The following MAML3 variants were observed in gnomAD, a reference collection of about 807,000 sequenced individuals.
The protein encoded by MAML3 is mastermind like transcriptional coactivator 3, also known as mastermind-like protein 3.
A neutral mutation model predicts 101.9 loss-of-function variants in MAML3; 27 were observed. The observed-to-expected ratio is 0.27, with a 90% CI of 0.20 to 0.37. The LOEUF is 0.37. Ranked by LOEUF, MAML3 falls within the 10% of genes least tolerant of loss-of-function variation. The pLI, the probability that MAML3 is intolerant of heterozygous loss-of-function variation, is 1.00. For missense variants in MAML3, 1,316 were observed against 1,444.9 expected (o/e 0.91, Z 1.45); for synonymous variants, 501 against 555.9 (o/e 0.90, Z 1.39).
At chr4:139,985,524 C>G (rs1734520849) in intron 1 of MAML3, among the ~76,000 whole-genome samples, 1 of 152,192 alleles carries the variant, frequency 6.6e-6, no homozygotes, top group South Asian at 2.1e-4. Context: ...TTTCCTTGAG[C>G]TAAAATAGAT....
chr4:139,882,660 C>A (rs1264992788), intron 2 of MAML3, among the ~76,000 whole-genome samples: 1 of 152,074 alleles, frequency 6.6e-6, no homozygotes, highest in African/African-American at 2.4e-5. Flanking sequence ...ACCATCCTGG[C>A]CAATATGGTG....
intron 2 of MAML3, among the ~76,000 whole-genome samples, chr4:139,739,671 G>A (rs57706147): frequency 0.41 from 58,317 of 141,858 alleles, 12,966 homozygotes; most frequent in Middle Eastern, 0.58. Flanking sequence ...AGGCAGGGGA[G>A]GAAAGCAGTT....
intron 1 of MAML3, 57 bp downstream of exon 1, chr4:140,152,803 C>A: frequency 6.5e-7 from 1 of 1,548,584 alleles, no homozygotes; most frequent in Non-Finnish European, 8.7e-7. Flanking sequence ...CACGCGCCCC[C>A]CACCACCACC....
intron 4 of MAML3, among the ~76,000 whole-genome samples, chr4:139,721,289 G>A (rs1256123955): frequency 6.6e-6 from 1 of 152,142 alleles, no homozygotes; most frequent in Non-Finnish European, 1.5e-5. Context: ...AAACAGCCAA[G>A]GGAATGGAAA....
At chr4:139,975,692 G>T (rs1165630117) in intron 1 of MAML3, among the ~76,000 whole-genome samples, 1 of 152,126 alleles carries the variant, frequency 6.6e-6, no homozygotes, top group Non-Finnish European at 1.5e-5. Flanking sequence ...GGAACTATTT[G>T]TCCAGTGAAT....
chr4:140,122,060 C>G (rs1478035607), intron 1 of MAML3, among the ~76,000 whole-genome samples: 2 of 152,088 alleles, frequency 1.3e-5, no homozygotes, highest in African/African-American at 4.8e-5. Context: ...CCTGAGGCCT[C>G]CCCAGCCATT....
chr4:140,037,868 A>T (rs1727011529), intron 1 of MAML3, among the ~76,000 whole-genome samples: 1 of 152,146 alleles, frequency 6.6e-6, no homozygotes, highest in Non-Finnish European at 1.5e-5. Context: ...CTCGAGCTAC[A>T]CTGCTCTGCT....
intron 1 of MAML3, among the ~76,000 whole-genome samples, chr4:140,025,080 A>T (rs1467023928): frequency 1.3e-5 from 2 of 152,210 alleles, no homozygotes; most frequent in African/African-American, 4.8e-5. Context: ...GAGACAGATT[A>T]AAAAGACTCA....
intron 2 of MAML3, among the ~76,000 whole-genome samples, chr4:139,782,381 G>A (rs1015450953): frequency 3.3e-5 from 5 of 152,072 alleles, no homozygotes; most frequent in Non-Finnish European, 7.4e-5. Flanking sequence ...TGCCCGGGCT[G>A]GTCTTAAACT....
intron 1 of MAML3, among the ~76,000 whole-genome samples, chr4:140,123,601 A>G (rs1162532579): frequency 6.6e-6 from 1 of 152,222 alleles, no homozygotes; most frequent in East Asian, 1.9e-4. Flanking sequence ...ATTTCGAGCC[A>G]CAGAAAAAAA....
intron 1 of MAML3, among the ~76,000 whole-genome samples, chr4:139,981,896 G>A (rs1199053990): frequency 1.3e-5 from 2 of 152,176 alleles, no homozygotes; most frequent in Non-Finnish European, 2.9e-5. Context: ...GTCATATCAA[G>A]AATGCATGAT....
chr4:139,991,601 A>T (rs1433674517), intron 1 of MAML3, among the ~76,000 whole-genome samples: 1 of 152,218 alleles, frequency 6.6e-6, no homozygotes. Flanking sequence ...GTTCTTGAAA[A>T]TATTATTATT....
chr4:140,154,103 C>A lies in MAML3; in HGVS notation c.-776G>T. The A allele has an allele frequency of 5.5e-6, 1 of 182,156 alleles. No individual in the cohort carries two copies. The highest frequency in any genetic ancestry group is 1.1e-5 in the Non-Finnish European group (1 of 87,298). 11.3% of individuals were successfully genotyped at this position (182,156 alleles called of 1,614,324 possible). A position where few individuals can be genotyped will look rare whatever the true frequency, so the allele number is the denominator to read the frequency against. The stretch of plus-strand genomic sequence containing the variant: ...CTCCTGCCACCATCACAATGATCAA[C>A]TGCTCGCCGCCGCCGCCGCCGCCGC... On this transcript the variant is annotated 5_prime_UTR_variant, in exon 1 of 5. Transcript: ENST00000509479.
At chr4:140,152,292 G>C (rs536748698) in intron 1 of MAML3, among the ~76,000 whole-genome samples, 13 of 152,330 alleles carry the variant, frequency 8.5e-5, no homozygotes, top group South Asian at 4.1e-4. Context: ...CAGCCCAAAG[G>C]GGGTGAGCTG....
chr4:139,833,858 C>T (rs563853092), intron 2 of MAML3, among the ~76,000 whole-genome samples: 11 of 152,056 alleles, frequency 7.2e-5, no homozygotes, highest in African/African-American at 2.7e-4. Context: ...TCACAGTATC[C>T]CTTCTCACAC....
intron 1 of MAML3, among the ~76,000 whole-genome samples, chr4:140,124,666 T>G (rs1325928568): frequency 6.6e-6 from 1 of 152,218 alleles, no homozygotes; most frequent in Non-Finnish European, 1.5e-5. Context: ...AAAGTAGATT[T>G]AGCATTTGGA....
intron 1 of MAML3, among the ~76,000 whole-genome samples, chr4:139,954,553 T>TAAGGGAATAAGCCATAAGGGAATAA (rs2110763972): frequency 6.6e-6 from 1 of 152,306 alleles, no homozygotes; most frequent in African/African-American, 2.4e-5. Flanking sequence ...AGGGAAGCCC[T>TAAGGGAATAAGCCATAAGGGAATAA]GCATTAAGGT....
At chr4:139,989,882 C>CACACAGAG (rs1385720650) in intron 1 of MAML3, among the ~76,000 whole-genome samples, 5 of 63,072 alleles carry the variant, frequency 7.9e-5, no homozygotes, top group African/African-American at 2.9e-4. Context: ...CACACACACA[C>CACACAGAG]AGAGAGAGAG....
At chr4:139,819,646 A>G (rs185275783) in intron 2 of MAML3, among the ~76,000 whole-genome samples, 4 of 152,240 alleles carry the variant, frequency 2.6e-5, no homozygotes. Context: ...AGTTATCACT[A>G]TTTTCTAAAC....
Sources: gnomAD v4.1 joint callset for allele counts (sites outside exome capture counted in the v4.1 genomes callset) on GRCh38, gnomAD v4.1.1 for gene constraint, MANE v1.5 for transcripts, NCBI Gene and HGNC (gene_info 2026-07-23, HGNC 2026-07-21) for gene names.